Variants in PRKAG2 observed in about 807,000 individuals in gnomAD.
The protein encoded by PRKAG2 is 5'-AMP-activated protein kinase subunit gamma-2.
Under a neutral mutation model 69.6 loss-of-function variants are expected in PRKAG2, and 26 were observed. That is an observed-to-expected ratio of 0.37 (90% CI 0.27 to 0.52). The LOEUF is 0.52. Among genes scored for constraint, PRKAG2 ranks in the 20% least tolerant of loss-of-function variants. The probability of loss-of-function intolerance (pLI) is 0.90; values close to 1 mark genes in which losing one functional copy is unlikely to be tolerated. For missense variants in PRKAG2, 557 were observed against 740.0 expected (o/e 0.75, Z 2.87); for synonymous variants, 293 against 285.0 (o/e 1.03, Z -0.28).
chr7:151,590,394 T>C (rs1000685255), intron 6 of PRKAG2, among the ~76,000 whole-genome samples: 2 of 152,158 alleles, frequency 1.3e-5, no homozygotes, highest in Non-Finnish European at 2.9e-5. Flanking sequence ...CAGGCGGAAT[T>C]GGTGGCATCA....
At chr7:151,690,165 C>A (rs1470462263) in intron 3 of PRKAG2, among the ~76,000 whole-genome samples, 1 of 152,158 alleles carries the variant, frequency 6.6e-6, no homozygotes, top group Admixed American at 6.5e-5. Flanking sequence ...CAGCATCACA[C>A]CTGAATTGCT....
At chr7:151,728,456 C>T (rs571242850) in intron 3 of PRKAG2, among the ~76,000 whole-genome samples, 1 of 152,126 alleles carries the variant, frequency 6.6e-6, no homozygotes, top group East Asian at 1.9e-4. Context: ...ATGGGGGTGA[C>T]AGAGCAGCAG....
At chr7:151,803,154 C>G (rs551535921) in intron 1 of PRKAG2, among the ~76,000 whole-genome samples, 1 of 151,950 alleles carries the variant, frequency 6.6e-6, no homozygotes, top group African/African-American at 2.4e-5. Flanking sequence ...GATGGGGTTT[C>G]ACCATGTTGG....
chr7:151,688,042 G>GCCGCC (rs1554539802), intron 3 of PRKAG2, among the ~76,000 whole-genome samples: 1 of 106,982 alleles, frequency 9.3e-6, no homozygotes, highest in African/African-American at 3.3e-5. Flanking sequence ...AGGAAATGAG[G>GCCGCC]CCCCCCCCCG....
In PRKAG2 at chr7:151,859,079, C is replaced by T. The variant is rs529007065; in HGVS notation, c.114+17428G>A. On this transcript the variant is annotated intron_variant, in intron 1 of 15. Coordinates refer to ENST00000287878, the MANE Select transcript of PRKAG2 (RefSeq NM_016203.4). ...CAGTGTCTCCTGAGGAGAAGCCAGACCCTGGCCAGGTGTCTCTGGAGTCTG... is the reference window on the plus strand; with the variant it reads ...CAGTGTCTCCTGAGGAGAAGCCAGATCCTGGCCAGGTGTCTCTGGAGTCTG... Among the ~76,000 whole-genome samples the T allele has an allele frequency of 7.2e-5, 11 of 152,354 alleles. No individual in the cohort carries two copies. The South Asian group carries it at 2.1e-3, about 29-fold the overall frequency.
At position 151,613,835 on chromosome 7, in the gene PRKAG2, G is replaced by C. The variant is rs1485846486; in HGVS notation, c.754+18234C>G. Among the ~76,000 whole-genome samples the C allele has an allele frequency of 2.0e-4, 27 of 135,320 alleles. No homozygotes were observed. The South Asian group carries it at 6.1e-3, about 31-fold the overall frequency. 88.8% of individuals were successfully genotyped at this position (135,320 alleles called of 152,430 possible). A position where few individuals can be genotyped will look rare whatever the true frequency, so the allele number is the denominator to read the frequency against. On this transcript the variant is annotated intron_variant, in intron 5 of 15. Coordinates refer to ENST00000287878, the MANE Select transcript of PRKAG2 (RefSeq NM_016203.4). ...TTTTTTTTTTTTGAGATGGAGTCTC[G>C]CTCTGTTGCCCAGGCTGGAGTGCAG...
chr7:151,785,088 C>T (rs539500157), intron 2 of PRKAG2, among the ~76,000 whole-genome samples: 10 of 152,358 alleles, frequency 6.6e-5, no homozygotes, highest in East Asian at 3.9e-4. Flanking sequence ...GATGATTCCC[C>T]GGGTATTGAC....
rs1806013870 is a variant in PRKAG2 at position 151,565,403 on chromosome 7, G to A, written c.1400-20C>T. The A allele has an allele frequency of 2.3e-6, 3 of 1,331,066 alleles. 1 individual carries two copies. In the East Asian group the frequency reaches 7.4e-5, roughly 33 times the overall value. The allele number at this position is 1,331,066 out of a possible 1,614,324, so 82.5% of individuals were successfully genotyped here. On this transcript the variant is annotated intron_variant, in intron 12 of 15. Coordinates refer to ENST00000287878, the MANE Select transcript of PRKAG2 (RefSeq NM_016203.4). ...CTTTTCCTAAAAATGAAAAATATAT[G>A]TTAGAAAAATGTCTTAAGGGACAAA...
At chr7:151,659,230 T>C (rs1030937298) in intron 4 of PRKAG2, among the ~76,000 whole-genome samples, 2 of 152,230 alleles carry the variant, frequency 1.3e-5, no homozygotes, top group African/African-American at 4.8e-5. Context: ...TTGTTTTGCA[T>C]AGACTTAAAA....
intron 4 of PRKAG2, among the ~76,000 whole-genome samples, chr7:151,637,611 T>G (rs781282687): frequency 2.6e-5 from 4 of 152,210 alleles, no homozygotes; most frequent in African/African-American, 4.8e-5. Flanking sequence ...CTAGTGGGAT[T>G]GAATTTATTT....
At position 151,781,968 on chromosome 7, in the gene PRKAG2, C is replaced by T. The variant is rs1278571707; in HGVS notation, c.187-537G>A. Among the ~76,000 whole-genome samples the T allele has an allele frequency of 1.3e-5, 2 of 152,060 alleles. No homozygotes were observed. Among genetic ancestry groups the T allele is most frequent in the Non-Finnish European group, 2.9e-5 (2 of 68,010 alleles). ...AAAGACTGAGGTTGCCAACAGAAGT[C>T]AGGAGAAAAGTTCACAAAGCCAGCC... On this transcript the variant is annotated intron_variant, in intron 2 of 15. Transcript: ENST00000287878. This position sits in a 1 kb window ranked among gnomAD's most constrained non-coding sequence, Gnocchi z 6.1.
intron 4 of PRKAG2, among the ~76,000 whole-genome samples, chr7:151,648,156 G>T (rs1193735545): frequency 2.0e-5 from 3 of 152,086 alleles, no homozygotes; most frequent in Non-Finnish European, 4.4e-5. Context: ...GAGGAAGAAT[G>T]ACAGAGATTT....
intron 1 of PRKAG2, among the ~76,000 whole-genome samples, chr7:151,800,075 G>T (rs12112702): frequency 6.6e-6 from 1 of 150,562 alleles, no homozygotes; most frequent in Non-Finnish European, 1.5e-5. Flanking sequence ...GTCGCCTCAC[G>T]GGCCGGGTGC....
intron 1 of PRKAG2, among the ~76,000 whole-genome samples, chr7:151,800,475 T>C (rs2077782725): frequency 6.6e-6 from 1 of 151,864 alleles, no homozygotes; most frequent in African/African-American, 2.4e-5. Flanking sequence ...CAAAACAAAT[T>C]CTGTTCCAGG....
At chr7:151,654,477 T>C (rs1385726363) in intron 4 of PRKAG2, among the ~76,000 whole-genome samples, 1 of 152,212 alleles carries the variant, frequency 6.6e-6, no homozygotes, top group African/African-American at 2.4e-5. Context: ...ATGAATTCTT[T>C]TGCTATGTCA....
intron 11 of PRKAG2, among the ~76,000 whole-genome samples, chr7:151,568,111 C>T (rs1258237575): frequency 6.6e-6 from 1 of 152,208 alleles, no homozygotes; most frequent in African/African-American, 2.4e-5. Flanking sequence ...CTTCCTGAGT[C>T]TCTTTTAATG....
At chr7:151,715,411 A>T (rs1796028876) in intron 3 of PRKAG2, among the ~76,000 whole-genome samples, 1 of 150,692 alleles carries the variant, frequency 6.6e-6, no homozygotes, top group Non-Finnish European at 1.5e-5. Flanking sequence ...GCAGTGGCAC[A>T]ATCTCAGCTC....
intron 3 of PRKAG2, among the ~76,000 whole-genome samples, chr7:151,760,020 T>C (rs139283129): frequency 6.6e-5 from 10 of 152,358 alleles, no homozygotes; most frequent in East Asian, 1.9e-4. Flanking sequence ...AAGTCATTCC[T>C]ACAGAGTTTC....
chr7:151,610,739 CTTT>C (rs10523596), intron 5 of PRKAG2, among the ~76,000 whole-genome samples: 2 of 105,566 alleles, frequency 1.9e-5, no homozygotes, highest in Admixed American at 1.1e-4. Flanking sequence ...TTTTTCTTTT[CTTT>C]TTTTTTTTTT....
Sources: allele counts gnomAD v4.1 joint callset (sites outside exome capture counted in the v4.1 genomes callset), GRCh38; gene constraint gnomAD v4.1.1; non-coding constraint Gnocchi (gnomAD v3.1); transcripts MANE v1.5; gene names NCBI Gene and HGNC (gene_info 2026-07-23, HGNC 2026-07-21).